Variants in SUGCT observed in about 807,000 individuals in gnomAD.
The protein encoded by SUGCT is succinyl-CoA:glutarate-CoA transferase.
Under a neutral mutation model 55.0 loss-of-function variants are expected in SUGCT, and 41 were observed. The ratio of observed to expected loss-of-function variants is 0.74; its 90% CI spans 0.58 to 0.97. The LOEUF (loss-of-function observed/expected upper bound fraction) is 0.97. SUGCT is among the 50% of genes least tolerant of loss of function. The pLI, the probability that SUGCT is intolerant of heterozygous loss-of-function variation, is 0.00. For missense variants in SUGCT, 568 were observed against 547.8 expected, an observed-to-expected ratio of 1.04 and a Z score of -0.37; for synonymous variants, 187 against 200.4, an observed-to-expected ratio of 0.93 and a Z score of 0.56.
At chr7:40,723,480 G>A (rs1050090556) in intron 12 of SUGCT, among the ~76,000 whole-genome samples, 4 of 152,022 alleles carry the variant, frequency 2.6e-5, no homozygotes, top group African/African-American at 4.8e-5. Context: ...CAAAATGCAC[G>A]AATTCCTCAA....
At chr7:41,008,223 G>A in the SUGCT span, among the ~76,000 whole-genome samples, 4 of 152,218 alleles carry the variant, frequency 2.6e-5, no homozygotes, top group Non-Finnish European at 5.9e-5. Flanking sequence ...GATTCTTCCT[G>A]GTTCCATTTT....
At chr7:40,481,647 G>C (rs192143084) in intron 11 of SUGCT, among the ~76,000 whole-genome samples, 13 of 151,932 alleles carry the variant, frequency 8.6e-5, no homozygotes, top group Admixed American at 8.5e-4. Context: ...ATATAACCAG[G>C]GATTTTGTAA....
the SUGCT span, among the ~76,000 whole-genome samples, chr7:41,025,873 C>T: frequency 6.6e-6 from 1 of 152,068 alleles, no homozygotes; most frequent in East Asian, 1.9e-4. Context: ...CTGGAAAGCC[C>T]CTTGCCAAGT....
the SUGCT span, among the ~76,000 whole-genome samples, chr7:40,961,930 C>T: frequency 6.6e-5 from 10 of 152,136 alleles, no homozygotes; most frequent in African/African-American, 2.4e-4. Context: ...AGTGCAGACC[C>T]AAAGAGTGAG....
rs191139734 is a variant in SUGCT, at chr7:40,439,867, C to T, written c.817-9420C>T. On this transcript the variant is annotated intron_variant, in intron 9 of 13. Coordinates refer to ENST00000335693, the MANE Select transcript of SUGCT (RefSeq NM_001193313.2). ...CCCTTTCCTTAACAGTTATGGAGTC[C>T]GTGATTCATGTCAAACTGCATTCTG... 1.1e-4 allele frequency among the ~76,000 whole-genome samples: 17 copies of T among 152,156 alleles called. No homozygotes were observed. In the East Asian group the frequency reaches 1.4e-3, roughly 12 times the overall value.
chr7:40,331,934 AT>A (rs1387973742), intron 9 of SUGCT, among the ~76,000 whole-genome samples: 1 of 152,226 alleles, frequency 6.6e-6, no homozygotes, highest in Non-Finnish European at 1.5e-5. Context: ...AGGCTGGGCC[AT>A]TTAAACTGCA....
chr7:40,879,863 G>A, the SUGCT span, among the ~76,000 whole-genome samples: 1 of 152,106 alleles, frequency 6.6e-6, no homozygotes, highest in Non-Finnish European at 1.5e-5. Flanking sequence ...GACATAAAAG[G>A]GCAAGAAAGC....
chr7:40,600,385 G>A (rs559532589), intron 12 of SUGCT, among the ~76,000 whole-genome samples: 36 of 152,342 alleles, frequency 2.4e-4, no homozygotes, highest in Non-Finnish European at 4.7e-4. Flanking sequence ...ATTGTGGCTA[G>A]ATGAATGGGT....
At chr7:40,953,562 T>C in the SUGCT span, among the ~76,000 whole-genome samples, 1 of 152,220 alleles carries the variant, frequency 6.6e-6, no homozygotes, top group Non-Finnish European at 1.5e-5. Flanking sequence ...TCTGCTCTGT[T>C]TTTTCCCCAT....
chr7:40,509,966 G>A (rs1432623130), intron 12 of SUGCT, among the ~76,000 whole-genome samples: 1 of 152,060 alleles, frequency 6.6e-6, no homozygotes, highest in South Asian at 2.1e-4. Flanking sequence ...TTTGAAAAAA[G>A]TTTTTTGATC....
In SUGCT at chr7:40,718,428, A is replaced by G. The variant is rs1282869172; in HGVS notation, c.1090-31006A>G. Among the ~76,000 whole-genome samples the G allele has an allele frequency of 1.4e-4, 21 of 152,340 alleles. No individual in the cohort carries two copies. The East Asian group carries it at 3.9e-3, about 28-fold the overall frequency. ...TTTGGTATTATTAAGTAACGAGGAA[A>G]ATATCTTACTGTTTCCATAGGTAAC... On this transcript the variant is annotated intron_variant, in intron 12 of 13. Transcript: ENST00000335693.
intron 9 of SUGCT, among the ~76,000 whole-genome samples, chr7:40,332,918 A>G (rs540719740): frequency 6.6e-6 from 1 of 152,304 alleles, no homozygotes; most frequent in South Asian, 2.1e-4. Context: ...TTAGTGGTGT[A>G]TTGGATGAAG....
At chr7:40,460,066 C>T (rs370658002) in intron 11 of SUGCT, among the ~76,000 whole-genome samples, 8 of 152,108 alleles carry the variant, frequency 5.3e-5, no homozygotes, top group African/African-American at 1.7e-4. Flanking sequence ...TTTGAAAAGG[C>T]TCAAGTGTTT....
chr7:40,233,345 A>T (rs57205249), intron 6 of SUGCT, among the ~76,000 whole-genome samples: 1 of 151,596 alleles, frequency 6.6e-6, no homozygotes, highest in South Asian at 2.1e-4. Flanking sequence ...TCAGCCTCCC[A>T]AGTAGCTGGG....
chr7:40,587,182 G>A (rs1159908153), intron 12 of SUGCT, among the ~76,000 whole-genome samples: 1 of 152,102 alleles, frequency 6.6e-6, no homozygotes, highest in Non-Finnish European at 1.5e-5. Context: ...GATTTTTTGG[G>A]GGACATGATG....
At chr7:40,511,216 TG>T (rs1462349361) in intron 12 of SUGCT, among the ~76,000 whole-genome samples, 1 of 152,096 alleles carries the variant, frequency 6.6e-6, no homozygotes. Flanking sequence ...ATGTACCCCT[TG>T]GTATCATGTA....
At chr7:40,539,098 T>G (rs1794535504) in intron 12 of SUGCT, 1 of 147,932 alleles carries the variant, frequency 6.8e-6, no homozygotes, top group Admixed American at 6.8e-5. Context: ...AAAAAAAAAT[T>G]TACTGAAGAC....
intron 9 of SUGCT, among the ~76,000 whole-genome samples, chr7:40,427,116 A>G (rs1306150610): frequency 6.6e-6 from 1 of 152,170 alleles, no homozygotes; most frequent in Non-Finnish European, 1.5e-5. Context: ...AGCTAAGAAT[A>G]GCACATTTTA....
the SUGCT span, among the ~76,000 whole-genome samples, chr7:40,886,898 T>C: frequency 6.6e-6 from 1 of 152,142 alleles, no homozygotes; most frequent in African/African-American, 2.4e-5. Context: ...CCAGGGAAAA[T>C]AACCACTTCA....
Sources: gnomAD v4.1 joint callset for allele counts (sites outside exome capture counted in the v4.1 genomes callset) on GRCh38, gnomAD v4.1.1 for gene constraint, MANE v1.5 for transcripts, NCBI Gene and HGNC (gene_info 2026-07-23, HGNC 2026-07-21) for gene names.